SLC9A9: variants seen among roughly 807,000 people sequenced by gnomAD.
SLC9A9 encodes the protein sodium/hydrogen exchanger 9.
SLC9A9 carries 62 observed loss-of-function variants against 77.8 expected under a neutral mutation model. That is an observed-to-expected ratio of 0.80 (90% CI 0.65 to 0.98). The LOEUF is 0.98. Among genes scored for constraint, SLC9A9 ranks in the 50% least tolerant of loss-of-function variants. The pLI, the probability that SLC9A9 is intolerant of heterozygous loss-of-function variation, is 0.00. For missense variants in SLC9A9, 775 were observed against 774.9 expected (o/e 1.00, Z 0.00); for synonymous variants, 320 against 283.5 (o/e 1.13, Z -1.29).
chr3:143,837,815 G>A (rs1213716748), intron 1 of SLC9A9, among the ~76,000 whole-genome samples: 1 of 152,184 alleles, frequency 6.6e-6, no homozygotes, highest in Admixed American at 6.5e-5. Context: ...ACATCCTACA[G>A]GAGAGACACA....
intron 2 of SLC9A9, among the ~76,000 whole-genome samples, chr3:143,813,171 C>T (rs993466787): frequency 4.0e-5 from 6 of 151,888 alleles, no homozygotes; most frequent in Admixed American, 6.6e-5. Context: ...CCAGAATTTT[C>T]CCCAATATGA....
chr3:143,467,753 G>C (rs2035309713), intron 11 of SLC9A9, among the ~76,000 whole-genome samples: 1 of 147,040 alleles, frequency 6.8e-6, no homozygotes, highest in African/African-American at 2.6e-5. Context: ...GAGAGAGAGA[G>C]AGAGACAGAA....
intron 5 of SLC9A9, among the ~76,000 whole-genome samples, chr3:143,688,521 G>A (rs955963571): frequency 3.3e-5 from 5 of 152,090 alleles, no homozygotes; most frequent in Non-Finnish European, 7.4e-5. Flanking sequence ...TGGCAGAAGA[G>A]AACAACCTTA....
chr3:143,327,966 C>A (rs1473174545), intron 14 of SLC9A9, among the ~76,000 whole-genome samples: 1 of 152,228 alleles, frequency 6.6e-6, no homozygotes, highest in East Asian at 1.9e-4. Flanking sequence ...TAGCTTGCAA[C>A]CCATGTCAAC....
intron 14 of SLC9A9, among the ~76,000 whole-genome samples, chr3:143,346,191 A>C (rs1415583614): frequency 6.6e-5 from 10 of 152,180 alleles, no homozygotes; most frequent in Admixed American, 5.9e-4. Context: ...TCTCAGCATA[A>C]AAAACCTATG....
chr3:143,844,763 T>C (rs1348078764), intron 1 of SLC9A9, among the ~76,000 whole-genome samples: 1 of 147,706 alleles, frequency 6.8e-6, no homozygotes, highest in Non-Finnish European at 1.5e-5. Context: ...CTTTCTTTCT[T>C]TCTTTCTTTC....
chr3:143,848,381 A>G lies in SLC9A9; in HGVS notation c.-59T>C, dbSNP rs1307142848. 1.2e-6 allele frequency: 2 copies of G among 1,610,100 alleles called. No individual in the cohort carries two copies. The highest frequency in any genetic ancestry group is 2.7e-5 in the African/African-American group (2 of 74,798). ...CCTGGATAAAGGCTATTTTATCAAG[A>G]TTTGCCTAAGACAGTCTGACTGCCT... On this transcript the variant is annotated 5_prime_UTR_variant, in exon 1 of 16. Coordinates refer to ENST00000316549, the MANE Select transcript of SLC9A9 (RefSeq NM_173653.4).
At chr3:143,389,164 A>AG (rs2033495426) in intron 12 of SLC9A9, among the ~76,000 whole-genome samples, 1 of 152,152 alleles carries the variant, frequency 6.6e-6, no homozygotes, top group Non-Finnish European at 1.5e-5. Flanking sequence ...TGTAGGCAGT[A>AG]GGGGGTGAAA....
chr3:143,832,703 C>T (rs1416294156), intron 1 of SLC9A9, among the ~76,000 whole-genome samples: 1 of 146,208 alleles, frequency 6.8e-6, no homozygotes, highest in African/African-American at 2.8e-5. Context: ...ATGACTAAGG[C>T]AATATAGTTC....
chr3:143,508,975 G>T (rs2036071553), intron 9 of SLC9A9, among the ~76,000 whole-genome samples: 2 of 152,134 alleles, frequency 1.3e-5, no homozygotes, highest in Admixed American at 6.5e-5. Flanking sequence ...GTGGTTATAA[G>T]TTTACTTGAT....
chr3:143,587,336 T>C (rs372948014), intron 6 of SLC9A9, among the ~76,000 whole-genome samples: 1 of 152,310 alleles, frequency 6.6e-6, no homozygotes, highest in Admixed American at 6.5e-5. Flanking sequence ...AATGTGTAAT[T>C]CAATGACAAG....
At chr3:143,490,177 T>C (rs1210352122) in intron 11 of SLC9A9, among the ~76,000 whole-genome samples, 1 of 152,118 alleles carries the variant, frequency 6.6e-6, no homozygotes, top group Non-Finnish European at 1.5e-5. Flanking sequence ...GGGTATATAT[T>C]GAAAGGAATT....
At chr3:143,506,687 C>T (rs2036024301) in intron 9 of SLC9A9, among the ~76,000 whole-genome samples, 2 of 152,058 alleles carry the variant, frequency 1.3e-5, no homozygotes, top group Admixed American at 6.5e-5. Context: ...GGCTGGGGGA[C>T]TCTTTTGGAG....
intron 6 of SLC9A9, among the ~76,000 whole-genome samples, chr3:143,640,476 T>C (rs1477208819): frequency 6.6e-6 from 1 of 152,148 alleles, no homozygotes; most frequent in Admixed American, 6.5e-5. Context: ...AGATAACATT[T>C]CAAACAAGGG....
At chr3:143,652,702 C>A (rs1284215099) in intron 5 of SLC9A9, among the ~76,000 whole-genome samples, 1 of 151,224 alleles carries the variant, frequency 6.6e-6, no homozygotes, top group East Asian at 2.0e-4. Context: ...TCTTAACTAC[C>A]TTTGCATTTT....
Position 143,417,187 on chromosome 3 carries a change from TG to T in SLC9A9, c.1470-35074del, listed in dbSNP as rs531259702. On this transcript the variant is annotated intron_variant, in intron 12 of 15. Coordinates refer to ENST00000316549, the MANE Select transcript of SLC9A9 (RefSeq NM_173653.4). ...GAGGAGTCTGCCTTCAACAGGAGAA[TG>T]GGCGAGTCTTCTACTAGTTTGGGAA... 2.8e-3 allele frequency among the ~76,000 whole-genome samples: 427 copies of T among 152,074 alleles called. 2 individuals are homozygous for T. Among genetic ancestry groups the T allele is most frequent in the African/African-American group, 9.5e-3 (394 of 41,498 alleles).
chr3:143,373,551 T>C (rs1223838203), intron 13 of SLC9A9, among the ~76,000 whole-genome samples: 1 of 133,278 alleles, frequency 7.5e-6, no homozygotes, highest in Non-Finnish European at 1.5e-5. Flanking sequence ...TTCACCACTA[T>C]ATAATTCATC....
At chr3:143,568,549 G>T (rs886692334) in intron 8 of SLC9A9, among the ~76,000 whole-genome samples, 7 of 152,076 alleles carry the variant, frequency 4.6e-5, no homozygotes, top group Non-Finnish European at 5.9e-5. Flanking sequence ...TTTACTTGAC[G>T]TATGGATCTG....
chr3:143,768,798 TA>T (rs2108838355), intron 4 of SLC9A9, among the ~76,000 whole-genome samples: 1 of 152,324 alleles, frequency 6.6e-6, no homozygotes, highest in East Asian at 1.9e-4. Context: ...ATCCTAATGC[TA>T]TTTAATTGAA....
Sources: allele counts gnomAD v4.1 joint callset (sites outside exome capture counted in the v4.1 genomes callset), GRCh38; gene constraint gnomAD v4.1.1; transcripts MANE v1.5; gene names NCBI Gene and HGNC (gene_info 2026-07-23, HGNC 2026-07-21).